The following SIL1 variants were observed in gnomAD, a reference collection of about 807,000 sequenced individuals.
SIL1 encodes the protein SIL1 nucleotide exchange factor.
SIL1 carries 40 observed loss-of-function variants against 49.1 expected under a neutral mutation model. The observed-to-expected ratio is 0.81, with a 90% CI of 0.63 to 1.06. SIL1 has a LOEUF of 1.06. SIL1 is among the 50% of genes least tolerant of loss of function. The pLI is 0.00. For missense variants in SIL1, 500 were observed against 572.6 expected (o/e 0.87, Z 1.29); for synonymous variants, 253 against 250.8 (o/e 1.01, Z -0.08).
At chr5:138,949,890 T>C (rs1446651330) in intron 9 of SIL1, among the ~76,000 whole-genome samples, 5 of 151,780 alleles carry the variant, frequency 3.3e-5, no homozygotes, top group Non-Finnish European at 5.9e-5. Flanking sequence ...TCAGCCCAAG[T>C]ACAGTGTGTC....
intron 8 of SIL1, among the ~76,000 whole-genome samples, 166 bp from the exon 9 acceptor site, chr5:138,951,501 C>CA (rs1320042981): frequency 1.3e-5 from 2 of 152,244 alleles, no homozygotes; most frequent in African/African-American, 4.8e-5. Context: ...AGGAGGGACT[C>CA]AGACACCTTC....
chr5:139,165,582 T>C (rs1751601517), intron 1 of SIL1, among the ~76,000 whole-genome samples: 1 of 152,156 alleles, frequency 6.6e-6, no homozygotes. Context: ...ACTCCTGACC[T>C]CAGGTGATCC....
chr5:139,000,528 G>T (rs1341009845), intron 7 of SIL1, among the ~76,000 whole-genome samples: 2 of 152,046 alleles, frequency 1.3e-5, no homozygotes, highest in African/African-American at 4.8e-5. Context: ...AGTACATAAT[G>T]CCAGAACAAC....
In SIL1 at chr5:139,026,978, C is replaced by T. The variant is rs1261801561; in HGVS notation, c.468G>A (p.Glu156=). The stretch of plus-strand genomic sequence containing the variant: ...CAATGGGGCGGAAGAGCCGCTTTAC[C>T]TCAGCCTGCCTTGCCTAAGGAGAGC... ...SSKEDKARQA[E]VKRLFRPIEE... is the part of the protein sequence containing the mutation. The change falls in exon 6 of 10, where the codon GAG becomes GAA. Residue 156 remains glutamate (E), a synonymous_variant. Transcript: ENST00000394817. 6.2e-7 allele frequency: 1 copy of T among 1,614,044 alleles called. No individual in the cohort carries two copies. Among genetic ancestry groups the T allele is most frequent in the Non-Finnish European group, 8.5e-7 (1 of 1,180,040 alleles).
At position 138,948,643 on chromosome 5, in the gene SIL1, C is replaced by T. The variant is rs1766690916; in HGVS notation, c.1030-1170G>A. Among the ~76,000 whole-genome samples, 1 of 152,174 alleles carries T rather than the reference C, an allele frequency of 6.6e-6. No homozygotes were observed. The highest frequency in any genetic ancestry group is 2.4e-5 in the African/African-American group (1 of 41,426). ...TTCCAGGTGCACCCCCGCATTGGCC[C>T]CATTCACTCCACGGCTCCCTGCACA... On this transcript the variant is annotated intron_variant, in intron 9 of 9. Transcript: ENST00000394817. This position sits in a 1 kb window ranked among gnomAD's most constrained non-coding sequence, Gnocchi z 4.8.
intron 7 of SIL1, among the ~76,000 whole-genome samples, chr5:138,954,091 G>A (rs889246217): frequency 2.0e-5 from 3 of 152,204 alleles, no homozygotes; most frequent in Admixed American, 2.0e-4. Flanking sequence ...GTGGGCTGAT[G>A]TGGGTCGGGA....
intron 1 of SIL1, among the ~76,000 whole-genome samples, chr5:139,195,343 C>T (rs906580381): frequency 6.6e-6 from 1 of 152,148 alleles, no homozygotes; most frequent in Non-Finnish European, 1.5e-5. Flanking sequence ...TGTAATACGT[C>T]ATTTAACCAC....
At chr5:139,150,824 C>G (rs1349172190) in intron 1 of SIL1, among the ~76,000 whole-genome samples, 3 of 152,070 alleles carry the variant, frequency 2.0e-5, no homozygotes, top group African/African-American at 7.2e-5. Context: ...GGAGCCTAGC[C>G]CAAAGCCAAG....
chr5:139,112,066 C>T (rs1451432594), intron 3 of SIL1, among the ~76,000 whole-genome samples: 1 of 152,224 alleles, frequency 6.6e-6, no homozygotes, highest in Non-Finnish European at 1.5e-5. Context: ...GGGCTGGTCT[C>T]CAGCTCCTAA....
At chr5:139,019,492 C>G (rs563893960) in intron 7 of SIL1, among the ~76,000 whole-genome samples, 1 of 152,242 alleles carries the variant, frequency 6.6e-6, no homozygotes, top group East Asian at 1.9e-4. Context: ...TTGCTTGCCA[C>G]CAAAACACTA....
chr5:139,000,593 A>T (rs1033108524), intron 7 of SIL1, among the ~76,000 whole-genome samples: 1 of 152,202 alleles, frequency 6.6e-6, no homozygotes, highest in African/African-American at 2.4e-5. Flanking sequence ...AGCATACATA[A>T]AAATAAATAT....
At chr5:139,180,078 A>G (rs1163576422) in intron 1 of SIL1, among the ~76,000 whole-genome samples, 1 of 148,274 alleles carries the variant, frequency 6.7e-6, no homozygotes, top group African/African-American at 2.5e-5. Flanking sequence ...AAAAAAAAAA[A>G]GTTGGCCAGG....
intron 4 of SIL1, 103 bp from the exon 5 acceptor site, chr5:139,042,822 G>A (rs1769076155): frequency 9.9e-7 from 1 of 1,014,616 alleles, no homozygotes. Flanking sequence ...AGGATACCAA[G>A]ATCCCATCTC....
intron 7 of SIL1, among the ~76,000 whole-genome samples, chr5:139,014,779 C>A (rs554723261): frequency 6.6e-6 from 1 of 152,300 alleles, no homozygotes; most frequent in Non-Finnish European, 1.5e-5. Context: ...ATATGCTAAT[C>A]AGTTTATCAG....
intron 1 of SIL1, among the ~76,000 whole-genome samples, chr5:139,190,287 C>T (rs1752144442): frequency 6.6e-6 from 1 of 152,158 alleles, no homozygotes; most frequent in African/African-American, 2.4e-5. Flanking sequence ...CAAGTCTGGC[C>T]TGAGCACTAT....
In SIL1 at chr5:139,036,991, G is replaced by A. The variant is rs1413035524; in HGVS notation, c.453+5629C>T. On this transcript the variant is annotated intron_variant, in intron 5 of 9. Transcript: ENST00000394817. ...TTATTCTTTTTTCATTCTATTTGGA[G>A]AATATCCTTTAGTCATTCTTTCAGA... Among the ~76,000 whole-genome samples the A allele has an allele frequency of 9.3e-5, 13 of 139,206 alleles. No individual in the cohort carries two copies. The East Asian group carries it at 2.6e-3, about 28-fold the overall frequency. The allele number at this position is 139,206 out of a possible 152,430, so 91.3% of individuals were successfully genotyped here.
intron 1 of SIL1, among the ~76,000 whole-genome samples, chr5:139,177,711 C>A (rs1050863128): frequency 1.3e-5 from 2 of 152,234 alleles, no homozygotes; most frequent in Admixed American, 6.5e-5. Flanking sequence ...AACACTTGGT[C>A]TGGCAGCACG....
chr5:139,010,312 A>G (rs1397126197), intron 7 of SIL1, among the ~76,000 whole-genome samples: 7 of 147,336 alleles, frequency 4.8e-5, no homozygotes, highest in Non-Finnish European at 9.1e-5. Context: ...TTTCAGCTCC[A>G]TCAGCTCCTT....
At chr5:139,172,060 G>A (rs1751782795) in intron 1 of SIL1, among the ~76,000 whole-genome samples, 1 of 152,200 alleles carries the variant, frequency 6.6e-6, no homozygotes, top group Non-Finnish European at 1.5e-5. Flanking sequence ...TATCAAGTCT[G>A]AGGAAAAGAA....
Sources: allele counts gnomAD v4.1 joint callset (sites outside exome capture counted in the v4.1 genomes callset), GRCh38; gene constraint gnomAD v4.1.1; non-coding constraint Gnocchi (gnomAD v3.1); transcripts MANE v1.5; gene names NCBI Gene and HGNC (gene_info 2026-07-23, HGNC 2026-07-21).